The following ATRN variants were observed in gnomAD, a reference collection of about 807,000 sequenced individuals.
The protein encoded by ATRN is attractin, also known as attractin-2.
In ATRN, 54 loss-of-function variants were observed where a neutral mutation model predicts 178.7. The ratio of observed to expected loss-of-function variants is 0.30; its 90% CI spans 0.24 to 0.38. ATRN has a LOEUF of 0.38. Ranked by LOEUF, ATRN falls within the 10% of genes least tolerant of loss-of-function variation. The probability of loss-of-function intolerance (pLI) is 1.00; values close to 1 mark genes in which losing one functional copy is unlikely to be tolerated. For synonymous variants in ATRN, 636 were observed against 663.0 expected (o/e 0.96, Z 0.63); for missense variants, 1,443 against 1,815.1 (o/e 0.79, Z 3.73).
intron 1 of ATRN, among the ~76,000 whole-genome samples, chr20:3,524,380 A>G (rs1239927976): frequency 6.6e-6 from 1 of 152,176 alleles, no homozygotes; most frequent in Non-Finnish European, 1.5e-5. Context: ...CTAAATATAT[A>G]TGCACCCAAT....
rs745613830 is a variant in ATRN, at chr20:3,594,500, C to T, written c.3344C>T (p.Ala1115Val). ...KCQPCKCNGH[A>V]SLCNTNTGKC... The stretch of plus-strand genomic sequence containing the variant: ...GCAGCATGCAAGTGCAATGGGCACG[C>T]GTCTCTGTGCAACACCAACACGGGC... Residue 1115 changes from alanine (A) to valine (V), a missense_variant, in exon 20 of 29, where the codon GCG becomes GTG. Physicochemically the swap from Ala to Val is moderately conservative, Grantham distance 64. This residue lies in a region of ATRN where 289 missense variants were observed against 440.8 expected (regional missense o/e 0.66). Transcript: ENST00000262919. The T allele has an allele frequency of 7.4e-6, 12 of 1,611,082 alleles. No individual in the cohort carries two copies. The highest frequency in any genetic ancestry group is 6.8e-6 in the Non-Finnish European group (8 of 1,177,954).
At chr20:3,528,362 G>A (rs1411402383) in intron 1 of ATRN, among the ~76,000 whole-genome samples, 2 of 140,266 alleles carry the variant, frequency 1.4e-5, no homozygotes, top group Admixed American at 7.0e-5. Context: ...GCGAAACTCC[G>A]TCTCAAAAAA....
chr20:3,474,535 G>A (rs1469937505), intron 1 of ATRN, among the ~76,000 whole-genome samples: 2 of 151,574 alleles, frequency 1.3e-5, no homozygotes, highest in Non-Finnish European at 2.9e-5. Context: ...GTGAAACCCC[G>A]TCTCCACTAA....
intron 1 of ATRN, among the ~76,000 whole-genome samples, chr20:3,512,104 TATA>T (rs1240377883): frequency 8.8e-4 from 109 of 123,524 alleles, no homozygotes; most frequent in African/African-American, 3.5e-3. Context: ...TATATATATA[TATA>T]TTTTTTTTTT....
chr20:3,590,444 C>G (rs896046689), intron 18 of ATRN, among the ~76,000 whole-genome samples: 12 of 152,168 alleles, frequency 7.9e-5, no homozygotes, highest in African/African-American at 2.4e-4. Flanking sequence ...CCCTAGAGTT[C>G]TGCAGTGCAC....
chr20:3,621,637 A>C (rs969962235), intron 24 of ATRN, among the ~76,000 whole-genome samples: 1 of 152,198 alleles, frequency 6.6e-6, no homozygotes, highest in African/African-American at 2.4e-5. Context: ...TTGTATTAAA[A>C]TAGATTTTTA....
intron 1 of ATRN, among the ~76,000 whole-genome samples, chr20:3,517,435 A>C (rs569281555): frequency 8.5e-5 from 13 of 152,206 alleles, no homozygotes; most frequent in East Asian, 1.9e-4. Context: ...CCATTTTCCA[A>C]ATTTTCTGCA....
intron 1 of ATRN, among the ~76,000 whole-genome samples, chr20:3,521,815 G>C (rs1007061759): frequency 6.6e-6 from 1 of 152,030 alleles, no homozygotes; most frequent in Non-Finnish European, 1.5e-5. Context: ...ACAGGGTCTC[G>C]CTTGCTCTGT....
intron 1 of ATRN, among the ~76,000 whole-genome samples, chr20:3,501,098 C>T (rs559221194): frequency 2.0e-5 from 3 of 152,108 alleles, no homozygotes; most frequent in South Asian, 2.1e-4. Context: ...TTTTAGTAAT[C>T]GTATAACTGG....
chr20:3,646,926 G>C lies in ATRN; in HGVS notation c.*79G>C, dbSNP rs1252207843. On this transcript the variant is annotated 3_prime_UTR_variant, in exon 29 of 29. Transcript: ENST00000262919. ...CATCTGCAGGGAAGGGCGTGGCGGG[G>C]AAATGGCTGTGCGGTGCGGGACGGA... The C allele has an allele frequency of 1.3e-5, 21 of 1,566,160 alleles. No homozygotes were observed. Among genetic ancestry groups the C allele is most frequent in the Non-Finnish European group, 1.7e-5 (20 of 1,154,406 alleles).
chr20:3,507,512 C>A (rs1394273288), intron 1 of ATRN, among the ~76,000 whole-genome samples: 1 of 151,662 alleles, frequency 6.6e-6, no homozygotes, highest in African/African-American at 2.4e-5. Context: ...AATTAGAACT[C>A]CAAAAGGAGA....
chr20:3,519,631 G>T (rs2085260878), intron 1 of ATRN, among the ~76,000 whole-genome samples: 1 of 152,218 alleles, frequency 6.6e-6, no homozygotes, highest in African/African-American at 2.4e-5. Flanking sequence ...ATTGTGTACA[G>T]TGTACACTGC....
chr20:3,563,083 A>G (rs925723551), intron 9 of ATRN, 126 bp from the exon 10 acceptor site: 1 of 803,200 alleles, frequency 1.2e-6, no homozygotes, highest in Non-Finnish European at 1.8e-6. Context: ...TTATGTAGGG[A>G]AAACTCTGGA....
chr20:3,638,787 A>G lies in ATRN; in HGVS notation c.3943-41A>G. On this transcript the variant is annotated intron_variant, in intron 26 of 28. Coordinates refer to ENST00000262919, the MANE Select transcript of ATRN (RefSeq NM_139321.3). The surrounding 1 kb of genome is among the most constrained non-coding windows in gnomAD (Gnocchi z 4.5). ...TAGCATTAACTAATAAAACCCCTTC[A>G]GTACTCATTCCATTAATGGCTTTGC... The G allele has an allele frequency of 6.4e-7, 1 of 1,562,932 alleles. No homozygotes were observed. The highest frequency in any genetic ancestry group is 8.8e-7 in the Non-Finnish European group (1 of 1,134,430).
intron 24 of ATRN, 51 bp from the exon 25 acceptor site, chr20:3,624,460 C>T (rs369793036): frequency 7.0e-6 from 10 of 1,421,624 alleles, no homozygotes; most frequent in East Asian, 2.3e-5. Flanking sequence ...AGCGTGAATC[C>T]GTGGTGGTTT....
chr20:3,528,539 T>C (rs1026657502), intron 1 of ATRN, among the ~76,000 whole-genome samples: 1 of 151,984 alleles, frequency 6.6e-6, no homozygotes, highest in Admixed American at 6.5e-5. Flanking sequence ...GAACTAATCA[T>C]TGAGTACACA....
intron 18 of ATRN, among the ~76,000 whole-genome samples, chr20:3,588,425 G>C (rs1209502498): frequency 3.3e-5 from 5 of 151,968 alleles, no homozygotes; most frequent in African/African-American, 1.2e-4. Flanking sequence ...CACTTTTTCT[G>C]TGTCTACTTA....
chr20:3,559,427 A>T lies in ATRN; in HGVS notation c.1147A>T (p.Asn383Tyr). 1 of 1,614,030 alleles carries T rather than the reference A, an allele frequency of 6.2e-7. No individual in the cohort carries two copies. Among genetic ancestry groups the T allele is most frequent in the African/African-American group, 1.3e-5 (1 of 75,052 alleles). Residue 383 changes from asparagine (N) to tyrosine (Y), a missense_variant, in exon 7 of 29, where the codon AAC (asparagine) becomes TAC (tyrosine). Around this residue, in one of 4 missense-constraint regions of ATRN, gnomAD observed 862 missense variants for 972.1 expected, o/e 0.89. Transcript: ENST00000262919. ...DLASREWLPL[N>Y]RSVNNVVVRY... ...TGCTTCTAGGGAGTGGCTTCCACTA[A>T]ACCGTTCTGTGAACAATGTGGTTGT... is the stretch of plus-strand genomic sequence containing the variant.
rs545304166 is a variant in ATRN, at chr20:3,579,417, T to C, written c.2544+645T>C. ...AGGAGAATTGCTTGAACCCAGGAGG[T>C]GGAGGTGGCAGTGAGCTGAGATTGC... On this transcript the variant is annotated intron_variant, in intron 15 of 28. Transcript: ENST00000262919. Among the ~76,000 whole-genome samples the C allele has an allele frequency of 3.3e-5, 5 of 151,914 alleles. No homozygotes were observed. In the South Asian group the frequency reaches 1.0e-3, roughly 32 times the overall value.
Sources: gnomAD v4.1 joint callset for allele counts (sites outside exome capture counted in the v4.1 genomes callset) on GRCh38, gnomAD v4.1.1 for gene constraint, gnomAD v4.1.1 regional missense constraint, Gnocchi (gnomAD v3.1) non-coding constraint, MANE v1.5 for transcripts, NCBI Gene and HGNC (gene_info 2026-07-23, HGNC 2026-07-21) for gene names.